APBA1: variants seen among roughly 807,000 people sequenced by gnomAD.
APBA1 encodes the protein amyloid-beta A4 precursor protein-binding family A member 1.
APBA1 carries 55 observed loss-of-function variants against 86.6 expected under a neutral mutation model. The ratio of observed to expected loss-of-function variants is 0.64; its 90% CI spans 0.51 to 0.80. APBA1 has a LOEUF of 0.80. Ranked by LOEUF, APBA1 falls within the 30% of genes least tolerant of loss-of-function variation. The pLI is 0.00. For missense variants in APBA1, 1,090 were observed against 1,183.0 expected, an observed-to-expected ratio of 0.92 and a Z score of 1.15; for synonymous variants, 511 against 493.9, an observed-to-expected ratio of 1.03 and a Z score of -0.46.
chr9:69,593,906 G>T (rs540479206), intron 1 of APBA1, among the ~76,000 whole-genome samples: 3 of 152,250 alleles, frequency 2.0e-5, no homozygotes, highest in South Asian at 2.1e-4. Context: ...AATGACTTTT[G>T]TGACCTTGAT....
At chr9:69,579,174 T>G (rs1821864984) in intron 1 of APBA1, among the ~76,000 whole-genome samples, 1 of 152,114 alleles carries the variant, frequency 6.6e-6, no homozygotes, top group Non-Finnish European at 1.5e-5. Context: ...TTAACTCTCC[T>G]GCATGGAGCC....
intron 2 of APBA1, among the ~76,000 whole-genome samples, chr9:69,505,141 T>G (rs922378582): frequency 1.3e-5 from 2 of 152,090 alleles, no homozygotes; most frequent in Admixed American, 1.3e-4. Flanking sequence ...TCTCTGTGGC[T>G]TAAAATGATA....
chr9:69,515,918 T>G, intron 2 of APBA1, 93 bp downstream of exon 2: 1 of 1,358,958 alleles, frequency 7.4e-7, no homozygotes, highest in Non-Finnish European at 9.8e-7. Context: ...CTACTTCCCG[T>G]AAAGTCACTA....
intron 1 of APBA1, among the ~76,000 whole-genome samples, chr9:69,564,042 C>T (rs1207177404): frequency 3.3e-5 from 5 of 152,156 alleles, no homozygotes; most frequent in Non-Finnish European, 7.4e-5. Flanking sequence ...ATAAGGTGCA[C>T]ATAAGATGCA....
chr9:69,639,124 A>G (rs1378272472), intron 1 of APBA1, among the ~76,000 whole-genome samples: 1 of 152,156 alleles, frequency 6.6e-6, no homozygotes, highest in Non-Finnish European at 1.5e-5. Context: ...TTTTACAGAG[A>G]TAGTTTACAG....
chr9:69,550,185 A>G (rs188452472), intron 1 of APBA1, among the ~76,000 whole-genome samples: 117 of 152,346 alleles, frequency 7.7e-4, no homozygotes, highest in African/African-American at 2.8e-3. Flanking sequence ...CTGTTTTATT[A>G]TAAACTGTAC....
chr9:69,656,276 T>C (rs1823610595), intron 1 of APBA1, among the ~76,000 whole-genome samples: 1 of 152,184 alleles, frequency 6.6e-6, no homozygotes, highest in Admixed American at 6.5e-5. Flanking sequence ...TTCCTGAGTA[T>C]ATACCCTACA....
chr9:69,505,200 T>C (rs1275161110), intron 2 of APBA1, among the ~76,000 whole-genome samples: 3 of 152,092 alleles, frequency 2.0e-5, no homozygotes, highest in African/African-American at 7.2e-5. Context: ...CCCTACCCAT[T>C]GTGGTTTCAG....
intron 1 of APBA1, among the ~76,000 whole-genome samples, chr9:69,570,924 C>T (rs1268987828): frequency 6.6e-6 from 1 of 152,180 alleles, no homozygotes; most frequent in Non-Finnish European, 1.5e-5. Flanking sequence ...AATAAATCAA[C>T]AAGAACAACG....
intron 1 of APBA1, among the ~76,000 whole-genome samples, chr9:69,647,821 T>TC (rs1298957174): frequency 6.6e-6 from 1 of 152,182 alleles, no homozygotes; most frequent in Non-Finnish European, 1.5e-5. Context: ...TTCTAGGAAA[T>TC]CAAACAAAAG....
intron 2 of APBA1, among the ~76,000 whole-genome samples, chr9:69,488,967 A>C (rs1835655872): frequency 6.6e-6 from 1 of 152,112 alleles, no homozygotes; most frequent in Non-Finnish European, 1.5e-5. Flanking sequence ...ACCACTGCTC[A>C]ATGAAATAAA....
At chr9:69,540,976 C>T (rs573527926) in intron 1 of APBA1, among the ~76,000 whole-genome samples, 2 of 152,308 alleles carry the variant, frequency 1.3e-5, no homozygotes, top group South Asian at 2.1e-4. Flanking sequence ...GCTTATTTCA[C>T]TTAGCATAAT....
At chr9:69,529,952 C>T (rs558679334) in intron 1 of APBA1, among the ~76,000 whole-genome samples, 3 of 151,936 alleles carry the variant, frequency 2.0e-5, no homozygotes, top group African/African-American at 4.8e-5. Context: ...ATGTTCACAT[C>T]GTTAATCATC....
chr9:69,620,195 TTTC>T (rs533498658), intron 1 of APBA1, among the ~76,000 whole-genome samples: 27 of 152,102 alleles, frequency 1.8e-4, no homozygotes, highest in African/African-American at 6.3e-4. Context: ...GTCTAGTCGT[TTTC>T]TTTTTTTAAT....
At chr9:69,593,453 T>C (rs551534033) in intron 1 of APBA1, among the ~76,000 whole-genome samples, 6 of 148,114 alleles carry the variant, frequency 4.1e-5, no homozygotes, top group African/African-American at 1.5e-4. Flanking sequence ...TTCAAAGAAT[T>C]ATAACCGTAA....
At chr9:69,468,608 A>G (rs1835318221) in intron 4 of APBA1, among the ~76,000 whole-genome samples, 1 of 152,248 alleles carries the variant, frequency 6.6e-6, no homozygotes, top group South Asian at 2.1e-4. Context: ...AATCTTGTTC[A>G]CTTACAGGTT....
intron 1 of APBA1, among the ~76,000 whole-genome samples, chr9:69,633,316 G>A (rs1312507136): frequency 6.6e-6 from 1 of 151,926 alleles, no homozygotes; most frequent in Non-Finnish European, 1.5e-5. Flanking sequence ...ATTCTTTCCT[G>A]CTGGAACCCA....
intron 1 of APBA1, among the ~76,000 whole-genome samples, chr9:69,621,042 C>G (rs897220202): frequency 2.6e-5 from 4 of 152,204 alleles, no homozygotes; most frequent in Non-Finnish European, 4.4e-5. Flanking sequence ...AGTTACACAA[C>G]CTCTCAGTGC....
chr9:69,536,675 T>C lies in APBA1; in HGVS notation c.-69-19396A>G, dbSNP rs141862857. On this transcript the variant is annotated intron_variant, in intron 1 of 12. Transcript: ENST00000265381. ...GGAGGTCAGGAGTTTGAGAGCAGCC[T>C]GGCCAACATGAAGAAACCCCATCTC... Among the ~76,000 whole-genome samples, 689 of 130,706 alleles carry C rather than the reference T, an allele frequency of 5.3e-3. 4 individuals are homozygous for C. Among genetic ancestry groups the C allele is most frequent in the African/African-American group, 0.019 (641 of 34,266 alleles). The allele number at this position is 130,706 out of a possible 152,430, so 85.7% of individuals were successfully genotyped here.
Sources: allele counts gnomAD v4.1 joint callset (sites outside exome capture counted in the v4.1 genomes callset), GRCh38; gene constraint gnomAD v4.1.1; transcripts MANE v1.5; gene names NCBI Gene and HGNC (gene_info 2026-07-23, HGNC 2026-07-21).